Variants in RNF182 observed in about 807,000 individuals in gnomAD.
RNF182 encodes the protein E3 ubiquitin-protein ligase RNF182.
RNF182 carries 15 observed loss-of-function variants against 14.4 expected under a neutral mutation model. That is an observed-to-expected ratio of 1.04 (90% CI 0.70 to 1.60). The LOEUF (loss-of-function observed/expected upper bound fraction) is 1.60, where lower values mean the gene tolerates loss of function less well. Ranked by LOEUF, RNF182 falls within the 40% of genes most tolerant of loss-of-function variation. The probability of loss-of-function intolerance (pLI) is 0.00; values close to 1 mark genes in which losing one functional copy is unlikely to be tolerated. For synonymous variants in RNF182, 128 were observed against 122.9 expected (o/e 1.04, Z -0.27); for missense variants, 268 against 294.8 (o/e 0.91, Z 0.67).
intron 1 of RNF182, chr6:13,949,279 C>G: frequency 1.3e-6 from 1 of 780,024 alleles, no homozygotes; most frequent in Non-Finnish European, 2.4e-6. Flanking sequence ...CCAGACTTAC[C>G]ACATCTGTCA....
At chr6:13,929,092 C>T (rs530855888) in intron 1 of RNF182, among the ~76,000 whole-genome samples, 3 of 152,284 alleles carry the variant, frequency 2.0e-5, no homozygotes, top group East Asian at 3.9e-4. Flanking sequence ...TTAACTAAAA[C>T]GTGACTCTCT....
chr6:13,953,114 C>G (rs1759637423), intron 1 of RNF182, among the ~76,000 whole-genome samples: 1 of 152,196 alleles, frequency 6.6e-6, no homozygotes, highest in African/African-American at 2.4e-5. Flanking sequence ...AGTCCTGGGT[C>G]TGTTCAATAA....
intron 1 of RNF182, among the ~76,000 whole-genome samples, chr6:13,934,050 G>A (rs1759044289): frequency 1.3e-5 from 2 of 152,022 alleles, no homozygotes; most frequent in Non-Finnish European, 2.9e-5. Context: ...AAAAAGAAAT[G>A]TGGCCTTACC....
chr6:13,949,935 G>A (rs553310286), intron 1 of RNF182, among the ~76,000 whole-genome samples: 1 of 152,206 alleles, frequency 6.6e-6, no homozygotes, highest in African/African-American at 2.4e-5. Context: ...TAGTCAATTT[G>A]TTCACACACA....
At chr6:13,951,417 G>A (rs543201374) in intron 1 of RNF182, among the ~76,000 whole-genome samples, 1 of 152,212 alleles carries the variant, frequency 6.6e-6, no homozygotes, top group Non-Finnish European at 1.5e-5. Flanking sequence ...CCCTATGGGA[G>A]TCTTATCTCT....
chr6:13,926,189 T>G (rs1002675630), intron 1 of RNF182, among the ~76,000 whole-genome samples: 10 of 152,196 alleles, frequency 6.6e-5, no homozygotes, highest in African/African-American at 2.4e-4. Flanking sequence ...ATGTATAAGT[T>G]GGAATAGGTC....
intron 1 of RNF182, among the ~76,000 whole-genome samples, chr6:13,949,870 G>A (rs1364788202): frequency 6.6e-6 from 1 of 152,134 alleles, no homozygotes; most frequent in African/African-American, 2.4e-5. Flanking sequence ...AAACCCTGTT[G>A]TGCATTTTTC....
intron 1 of RNF182, among the ~76,000 whole-genome samples, chr6:13,942,590 C>T (rs1247713291): frequency 2.6e-5 from 4 of 152,148 alleles, no homozygotes; most frequent in Non-Finnish European, 5.9e-5. Flanking sequence ...GATCTACTTG[C>T]CTCAGCCTAC....
intron 1 of RNF182, among the ~76,000 whole-genome samples, chr6:13,928,345 T>G (rs1021732533): frequency 6.6e-6 from 1 of 152,212 alleles, no homozygotes; most frequent in African/African-American, 2.4e-5. Flanking sequence ...TTCTATATAT[T>G]CTATGTTGCT....
intron 1 of RNF182, among the ~76,000 whole-genome samples, chr6:13,955,621 C>A (rs1759707232): frequency 6.6e-6 from 1 of 152,180 alleles, no homozygotes; most frequent in African/African-American, 2.4e-5. Flanking sequence ...TTAACAGTTG[C>A]ACAGCAACCA....
rs1324683618 is a variant in RNF182, at chr6:13,977,855, CCTT to C, written c.740_742del (p.Ser247del). Reference sequence around the variant, plus strand: ...TGAATTTCTAGACTGTATGGCACCTCCTTCTTAACTGATATGCAAAATAAGAAA... The same window carrying C: ...TGAATTTCTAGACTGTATGGCACCTCCTTAACTGATATGCAAAATAAGAAA... On this transcript the variant is annotated inframe_deletion, in exon 3 of 3. Transcript: ENST00000488300. The C allele has an allele frequency of 1.9e-6, 3 of 1,606,640 alleles. No homozygotes were observed. Among genetic ancestry groups the C allele is most frequent in the Non-Finnish European group, 2.6e-6 (3 of 1,175,642 alleles).
At chr6:13,973,143 G>A (rs891970688) in intron 1 of RNF182, among the ~76,000 whole-genome samples, 1 of 152,148 alleles carries the variant, frequency 6.6e-6, no homozygotes, top group East Asian at 1.9e-4. Context: ...GCTGGATTTT[G>A]GACTTGCATG....
chr6:13,943,143 A>C (rs1442230710), intron 1 of RNF182, among the ~76,000 whole-genome samples: 1 of 152,230 alleles, frequency 6.6e-6, no homozygotes, highest in Non-Finnish European at 1.5e-5. Context: ...GTAGTTTCTA[A>C]ATTATAAAGT....
At chr6:13,926,791 G>GT (rs59699777) in intron 1 of RNF182, among the ~76,000 whole-genome samples, 26,386 of 148,040 alleles carry the variant, frequency 0.18, 2,507 homozygotes, top group Non-Finnish European at 0.21. Context: ...GTGTGTGTGT[G>GT]TTTTTTTTTT....
intron 1 of RNF182, among the ~76,000 whole-genome samples, chr6:13,960,908 C>A (rs984031893): frequency 1.3e-5 from 2 of 152,174 alleles, no homozygotes; most frequent in East Asian, 3.9e-4. Flanking sequence ...AGAAATTAGT[C>A]TAATGGAAGA....
intron 1 of RNF182, among the ~76,000 whole-genome samples, chr6:13,964,209 C>T (rs1400415977): frequency 6.6e-6 from 1 of 151,998 alleles, no homozygotes; most frequent in African/African-American, 2.4e-5. Flanking sequence ...GATTCTCATA[C>T]CCTTGAGTGT....
intron 1 of RNF182, among the ~76,000 whole-genome samples, chr6:13,970,649 T>C (rs2113644460): frequency 6.6e-6 from 1 of 152,316 alleles, no homozygotes; most frequent in African/African-American, 2.4e-5. Context: ...TTTTAGTTTT[T>C]TGAGAAATGT....
At chr6:13,933,604 T>C (rs1020948058) in intron 1 of RNF182, among the ~76,000 whole-genome samples, 1 of 152,220 alleles carries the variant, frequency 6.6e-6, no homozygotes, top group African/African-American at 2.4e-5. Context: ...AATTTCAACA[T>C]GTAATCAATA....
chr6:13,970,335 T>C lies in RNF182; in HGVS notation c.-366-3875T>C, dbSNP rs752789215. Among the ~76,000 whole-genome samples, 102 of 152,200 alleles carry C rather than the reference T, an allele frequency of 6.7e-4. 1 individual carries two copies. Among genetic ancestry groups the C allele is most frequent in the Admixed American group, 4.8e-3 (74 of 15,274 alleles). On this transcript the variant is annotated intron_variant, in intron 1 of 2. Coordinates refer to ENST00000488300, the MANE Select transcript of RNF182 (RefSeq NM_152737.4). ...CTGAGATAAAGTTTTTTAGCTCCCA[T>C]ATGAGTGAGAACATGAGGTATTTGT...
Sources: allele counts gnomAD v4.1 joint callset (sites outside exome capture counted in the v4.1 genomes callset), GRCh38; gene constraint gnomAD v4.1.1; transcripts MANE v1.5; gene names NCBI Gene and HGNC (gene_info 2026-07-23, HGNC 2026-07-21).